The following IQUB variants were observed in gnomAD, a reference collection of about 807,000 sequenced individuals.
IQUB encodes the protein IQ motif and ubiquitin-like domain-containing protein.
IQUB carries 86 observed loss-of-function variants against 86.4 expected under a neutral mutation model. The ratio of observed to expected loss-of-function variants is 1.00; its 90% CI spans 0.84 to 1.19. IQUB has a LOEUF of 1.19. Ranked by LOEUF, IQUB falls within the 50% of genes most tolerant of loss-of-function variation. The pLI is 0.00. For missense variants in IQUB, 946 were observed against 916.9 expected, an observed-to-expected ratio of 1.03 and a Z score of -0.41; for synonymous variants, 289 against 304.5, an observed-to-expected ratio of 0.95 and a Z score of 0.53.
At chr7:123,521,961 G>A (rs1048196650) in intron 1 of IQUB, among the ~76,000 whole-genome samples, 2 of 151,796 alleles carry the variant, frequency 1.3e-5, no homozygotes, top group African/African-American at 2.4e-5. Context: ...ATATCAGAAG[G>A]GCTGACTGGA....
intron 1 of IQUB, among the ~76,000 whole-genome samples, chr7:123,519,954 G>A (rs1020598383): frequency 7.6e-6 from 1 of 131,746 alleles, no homozygotes; most frequent in East Asian, 2.2e-4. Flanking sequence ...AAAAGCATTG[G>A]CCATGGCTGA....
At chr7:123,486,767 T>C (rs898971942) in intron 7 of IQUB, among the ~76,000 whole-genome samples, 2 of 152,080 alleles carry the variant, frequency 1.3e-5, no homozygotes, top group South Asian at 2.1e-4. Flanking sequence ...CTTGAGGAGG[T>C]AGAAAGTCAA....
chr7:123,457,666 G>A (rs1563425267), intron 11 of IQUB, 100 bp from the exon 12 acceptor site: 2 of 901,654 alleles, frequency 2.2e-6, no homozygotes, highest in Non-Finnish European at 3.4e-6. Flanking sequence ...ATTTTTAAGT[G>A]AATTATTATT....
chr7:123,480,186 A>G (rs1282432247), intron 7 of IQUB, among the ~76,000 whole-genome samples: 3 of 152,188 alleles, frequency 2.0e-5, no homozygotes, highest in Non-Finnish European at 4.4e-5. Flanking sequence ...CCAAAGGGAA[A>G]CAGTACAGTT....
intron 3 of IQUB, 38 bp downstream of exon 3, chr7:123,509,863 G>A (rs1796340836): frequency 6.5e-7 from 1 of 1,541,158 alleles, no homozygotes; most frequent in African/African-American, 1.4e-5. Flanking sequence ...GTTAAAACTA[G>A]AAAAGTCTTG....
chr7:123,489,433 A>G (rs1795361443), intron 7 of IQUB, among the ~76,000 whole-genome samples: 1 of 152,284 alleles, frequency 6.6e-6, no homozygotes, highest in East Asian at 1.9e-4. Flanking sequence ...GAAGAAAGAT[A>G]CTACATGAGT....
chr7:123,489,980 T>G (rs1173185977), intron 7 of IQUB, among the ~76,000 whole-genome samples: 1 of 151,704 alleles, frequency 6.6e-6, no homozygotes, highest in Non-Finnish European at 1.5e-5. Context: ...AAATAAATCT[T>G]TAAAAATAAT....
chr7:123,472,008 C>A (rs7801021), intron 8 of IQUB, among the ~76,000 whole-genome samples: 1 of 151,968 alleles, frequency 6.6e-6, no homozygotes, highest in Non-Finnish European at 1.5e-5. Flanking sequence ...GAGGCCAAGG[C>A]GGGCAGATTA....
intron 3 of IQUB, among the ~76,000 whole-genome samples, chr7:123,508,147 G>A (rs1247498799): frequency 1.3e-5 from 2 of 152,150 alleles, no homozygotes; most frequent in African/African-American, 4.8e-5. Flanking sequence ...AGACAGATTT[G>A]AAGATGCTAC....
chr7:123,513,984 C>G (rs1333159931), intron 1 of IQUB, among the ~76,000 whole-genome samples: 1 of 152,148 alleles, frequency 6.6e-6, no homozygotes, highest in Non-Finnish European at 1.5e-5. Context: ...GCTGAGAACT[C>G]TTCAAAACTG....
chr7:123,510,073 T>G, intron 2 of IQUB, 38 bp from the exon 3 acceptor site: 1 of 1,401,276 alleles, frequency 7.1e-7, no homozygotes, highest in Non-Finnish European at 9.8e-7. Flanking sequence ...TATAGTCAAA[T>G]ATAGCAAAGG....
At chr7:123,513,309 G>A (rs568857399) in intron 1 of IQUB, among the ~76,000 whole-genome samples, 1 of 152,318 alleles carries the variant, frequency 6.6e-6, no homozygotes, top group South Asian at 2.1e-4. Flanking sequence ...AGATTAGAGA[G>A]AGTTGAAGAG....
rs1169989010 is a variant in IQUB at position 123,501,816 on chromosome 7, C to T, written c.1023+781G>A. ...AATACTGCTTCCCCTAAATCCCACT[C>T]AAACTTCACTCTTCCCCAAATTATA... On this transcript the variant is annotated intron_variant, in intron 6 of 12. Coordinates refer to ENST00000324698, the MANE Select transcript of IQUB (RefSeq NM_178827.5). 9 of 152,174 alleles carry T rather than the reference C, an allele frequency of 5.9e-5. No individual in the cohort carries two copies. The East Asian group carries it at 1.7e-3, about 29-fold the overall frequency. The allele number at this position is 152,174 out of a possible 1,614,324, so 9.4% of individuals were successfully genotyped here.
chr7:123,494,489 C>T (rs1206726888), intron 7 of IQUB, among the ~76,000 whole-genome samples: 1 of 151,936 alleles, frequency 6.6e-6, no homozygotes. Context: ...TTTAACAGAA[C>T]TTAAAAATTA....
intron 8 of IQUB, among the ~76,000 whole-genome samples, chr7:123,476,527 C>T (rs572966465): frequency 8.6e-5 from 13 of 151,844 alleles, no homozygotes; most frequent in Non-Finnish European, 1.6e-4. Context: ...TCCCTAAGGG[C>T]AGTGAGGAAG....
chr7:123,513,570 C>G (rs981273238), intron 1 of IQUB, among the ~76,000 whole-genome samples: 1 of 152,100 alleles, frequency 6.6e-6, no homozygotes, highest in African/African-American at 2.4e-5. Flanking sequence ...AAAATGTTTG[C>G]CAGCTTCTGA....
At chr7:123,508,664 A>G (rs1039837223) in intron 3 of IQUB, among the ~76,000 whole-genome samples, 22 of 152,210 alleles carry the variant, frequency 1.4e-4, no homozygotes, top group Admixed American at 6.5e-4. Context: ...CTACAATCTC[A>G]AAGTGCTCTC....
At chr7:123,525,614 AG>A in intron 1 of IQUB, among the ~76,000 whole-genome samples, 2 of 152,100 alleles carry the variant, frequency 1.3e-5, no homozygotes, top group East Asian at 3.9e-4. Context: ...TCGTCTTGCT[AG>A]CGGTCTATCA....
chr7:123,493,039 G>A (rs1795541232), intron 7 of IQUB, among the ~76,000 whole-genome samples: 1 of 152,014 alleles, frequency 6.6e-6, no homozygotes, highest in Non-Finnish European at 1.5e-5. Context: ...TAAAAATCCT[G>A]GGAGTGCTAT....
Sources: gnomAD v4.1 joint callset for allele counts (sites outside exome capture counted in the v4.1 genomes callset) on GRCh38, gnomAD v4.1.1 for gene constraint, MANE v1.5 for transcripts, NCBI Gene and HGNC (gene_info 2026-07-23, HGNC 2026-07-21) for gene names.